STAG2: variants seen among roughly 807,000 people sequenced by gnomAD.
The protein encoded by STAG2 is cohesin subunit SA-2.
Under a neutral mutation model 108.1 loss-of-function variants are expected in STAG2, and 14 were observed. The ratio of observed to expected loss-of-function variants is 0.13; its 90% CI spans 0.09 to 0.20. The LOEUF is 0.20. Among genes scored for constraint, STAG2 ranks in the 10% least tolerant of loss-of-function variants. STAG2 has a pLI of 1.00. For missense variants in STAG2, 440 were observed against 940.9 expected, an observed-to-expected ratio of 0.47 and a Z score of 6.96; for synonymous variants, 307 against 302.7, an observed-to-expected ratio of 1.01 and a Z score of -0.15.
At chrX:123,990,857 A>G (rs2055420193) in intron 1 of STAG2, among the ~76,000 whole-genome samples, 1 of 111,791 alleles carries the variant, frequency 8.9e-6, no homozygotes, top group Non-Finnish European at 1.9e-5. Context: ...GTTTGCCTAG[A>G]TATTTCTTTG....
chrX:124,072,081 T>A (rs1250736136), intron 25 of STAG2, among the ~76,000 whole-genome samples: 1 of 111,348 alleles, frequency 9.0e-6, no homozygotes, highest in Admixed American at 9.6e-5. Flanking sequence ...TAGCATGATA[T>A]TAGCTCACTG....
intron 1 of STAG2, among the ~76,000 whole-genome samples, chrX:123,993,800 AC>A (rs2055595534): frequency 9.0e-6 from 1 of 111,682 alleles, no homozygotes; most frequent in African/African-American, 3.3e-5. Flanking sequence ...TGGATGTCGG[AC>A]CTGTGACCAT....
At chrX:124,077,457 ACTTTTAAAAGTTGTTTATATGCTTTC>A (rs997352794) in intron 26 of STAG2, among the ~76,000 whole-genome samples, 3 of 111,646 alleles carry the variant, frequency 2.7e-5, no homozygotes, top group African/African-American at 6.5e-5. Context: ...CATATAAACA[ACTTTTAAAAGTTGTTTATATGCTTTC>A]CTTTTAAAAG....
intron 25 of STAG2, among the ~76,000 whole-genome samples, chrX:124,073,994 G>T (rs1225209826): frequency 8.9e-6 from 1 of 112,192 alleles, no homozygotes; most frequent in Non-Finnish European, 1.9e-5. Context: ...CTAAGAATTT[G>T]TATCTGTTAA....
At chrX:124,042,870 C>T (rs2057761362) in intron 7 of STAG2, among the ~76,000 whole-genome samples, 1 of 107,547 alleles carries the variant, frequency 9.3e-6, no homozygotes, top group African/African-American at 3.4e-5. Flanking sequence ...AAAAAATTAG[C>T]CGGGAGTCGT....
At chrX:124,068,248 A>G (rs1410330936) in intron 23 of STAG2, among the ~76,000 whole-genome samples, 1 of 111,263 alleles carries the variant, frequency 9.0e-6, no homozygotes, top group African/African-American at 3.3e-5. Flanking sequence ...CTTTATTAGC[A>G]TTCTGTGCTA....
At chrX:124,027,561 G>A (rs780973621) in intron 4 of STAG2, among the ~76,000 whole-genome samples, 1 of 111,572 alleles carries the variant, frequency 9.0e-6, no homozygotes, top group East Asian at 2.8e-4. Flanking sequence ...CCACAGTTTG[G>A]TTAAGGTTAT....
chrX:123,969,770 C>G (rs1018983733), intron 1 of STAG2, among the ~76,000 whole-genome samples: 1 of 109,131 alleles, frequency 9.2e-6, no homozygotes, highest in South Asian at 4.0e-4. Flanking sequence ...CTCAGCCTCC[C>G]GAGTAGCTGG....
At chrX:124,023,937 C>G (rs976972059) in intron 3 of STAG2, among the ~76,000 whole-genome samples, 1 of 111,508 alleles carries the variant, frequency 9.0e-6, no homozygotes, top group Non-Finnish European at 1.9e-5. Flanking sequence ...ATAGATGACT[C>G]AGGATGTTTC....
intron 1 of STAG2, among the ~76,000 whole-genome samples, chrX:123,974,332 A>G (rs2054516189): frequency 9.3e-6 from 1 of 107,072 alleles, no homozygotes; most frequent in Admixed American, 1.0e-4. Context: ...TCCTGAGTTC[A>G]AGTGATTCTC....
intron 25 of STAG2, 78 bp from the exon 26 acceptor site, chrX:124,076,254 G>A (rs756346401): frequency 1.4e-4 from 132 of 944,380 alleles, no homozygotes; most frequent in Non-Finnish European, 1.9e-4. Flanking sequence ...ATAAAAGCAT[G>A]TTTCATAGTG....
intron 1 of STAG2, among the ~76,000 whole-genome samples, chrX:123,990,882 A>G (rs1267759536): frequency 2.7e-5 from 3 of 111,727 alleles, no homozygotes; most frequent in Non-Finnish European, 5.6e-5. Context: ...GGCTGTTTCT[A>G]ATGCCTAGAA....
chrX:124,007,759 A>G (rs1436782937), intron 1 of STAG2, among the ~76,000 whole-genome samples: 2 of 112,401 alleles, frequency 1.8e-5, no homozygotes, highest in Admixed American at 9.5e-5. Context: ...ATTATATTAC[A>G]TAATTTGATG....
intron 1 of STAG2, chrX:124,003,859 A>G (rs1210327812): frequency 8.9e-6 from 1 of 111,752 alleles, no homozygotes; most frequent in East Asian, 2.8e-4. Flanking sequence ...TTTGAGGTTT[A>G]TTATAGATTT....
chrX:124,011,235 A>G (rs912338920), intron 1 of STAG2, among the ~76,000 whole-genome samples: 1 of 111,859 alleles, frequency 8.9e-6, no homozygotes, highest in East Asian at 2.8e-4. Flanking sequence ...GACTTTATTG[A>G]ATTTGTGGTT....
chrX:124,073,330 A>G (rs776372303), intron 25 of STAG2, among the ~76,000 whole-genome samples: 1 of 111,441 alleles, frequency 9.0e-6, no homozygotes, highest in Admixed American at 9.6e-5. Context: ...TGGGGAGTTG[A>G]ATTAGAGTAA....
intron 15 of STAG2, 107 bp downstream of exon 15, chrX:124,058,084 A>G: frequency 2.8e-6 from 1 of 362,214 alleles, no homozygotes; most frequent in Non-Finnish European, 4.5e-6. Context: ...TAAATTGTGA[A>G]TAGAATGGAG....
chrX:123,968,695 A>G (rs2054215909), intron 1 of STAG2, among the ~76,000 whole-genome samples: 2 of 112,147 alleles, frequency 1.8e-5, no homozygotes, highest in South Asian at 3.7e-4. Context: ...ACATCGTTCA[A>G]GGGGGGTGAA....
chrX:123,964,960 C>CT (rs33913146), intron 1 of STAG2, among the ~76,000 whole-genome samples: 15,005 of 80,046 alleles, frequency 0.19, 1,529 homozygotes, highest in South Asian at 0.28. Flanking sequence ...AGGTAAGTGC[C>CT]TTTTTTTTTT....
Sources: gnomAD v4.1 joint callset for allele counts (sites outside exome capture counted in the v4.1 genomes callset) on GRCh38, gnomAD v4.1.1 for gene constraint, MANE v1.5 for transcripts, NCBI Gene and HGNC (gene_info 2026-07-23, HGNC 2026-07-21) for gene names.